AGBL3: variants seen among roughly 807,000 people sequenced by gnomAD.
AGBL3 encodes the protein cytosolic carboxypeptidase 3.
AGBL3 carries 68 observed loss-of-function variants against 94.5 expected under a neutral mutation model. That is an observed-to-expected ratio of 0.72 (90% confidence interval 0.59 to 0.88). The LOEUF (loss-of-function observed/expected upper bound fraction) is 0.88. Among genes scored for constraint, AGBL3 ranks in the 40% least tolerant of loss-of-function variants. The probability of loss-of-function intolerance (pLI) is 0.00; values close to 1 mark genes in which losing one functional copy is unlikely to be tolerated. For missense variants in AGBL3, 934 were observed against 1,103.8 expected, an observed-to-expected ratio of 0.85 and a Z score of 2.18; for synonymous variants, 354 against 370.7, an observed-to-expected ratio of 0.95 and a Z score of 0.52.
chr7:135,020,431 A>G (rs1303132741), intron 5 of AGBL3, among the ~76,000 whole-genome samples: 1 of 152,240 alleles, frequency 6.6e-6, no homozygotes, highest in Non-Finnish European at 1.5e-5. Context: ...GAGGATGTGG[A>G]GAAATAGGAA....
At chr7:135,088,196 A>G (rs80266779) in intron 15 of AGBL3, among the ~76,000 whole-genome samples, 5,596 of 152,110 alleles carry the variant, frequency 0.037, 333 homozygotes, top group African/African-American at 0.13. Context: ...GTTCAGCCTA[A>G]ATGTGTCTTT....
chr7:135,081,836 T>G (rs754553963), intron 15 of AGBL3, 46 bp downstream of exon 15: 3 of 1,229,154 alleles, frequency 2.4e-6, no homozygotes, highest in East Asian at 2.6e-5. Flanking sequence ...TCCCCTATGA[T>G]CTGAATGTTA....
chr7:135,130,484 C>A (rs1828579783), intron 16 of AGBL3, among the ~76,000 whole-genome samples: 2 of 151,980 alleles, frequency 1.3e-5, no homozygotes, highest in African/African-American at 4.8e-5. Flanking sequence ...TACTTTTGTT[C>A]CACATTCTCT....
At chr7:135,022,366 G>A (rs1352460871) in intron 5 of AGBL3, among the ~76,000 whole-genome samples, 1 of 152,182 alleles carries the variant, frequency 6.6e-6, no homozygotes, top group Non-Finnish European at 1.5e-5. Context: ...ATTCTGACTG[G>A]TGTGAGATGG....
chr7:135,007,050 C>G (rs1440247135), intron 4 of AGBL3, among the ~76,000 whole-genome samples: 2 of 151,960 alleles, frequency 1.3e-5, no homozygotes, highest in African/African-American at 4.8e-5. Flanking sequence ...AAAACTACTA[C>G]AGAGAGTCGC....
At chr7:135,008,449 G>C (rs184494530) in intron 4 of AGBL3, among the ~76,000 whole-genome samples, 61 of 152,098 alleles carry the variant, frequency 4.0e-4, no homozygotes, top group Middle Eastern at 3.4e-3. Flanking sequence ...AAATAAAGAA[G>C]TTTGTCCCTT....
chr7:135,057,932 C>T (rs542191033), intron 11 of AGBL3, among the ~76,000 whole-genome samples: 28 of 152,056 alleles, frequency 1.8e-4, no homozygotes, highest in African/African-American at 4.3e-4. Context: ...TCTGGGAAAA[C>T]GAAGGATGAA....
intron 15 of AGBL3, among the ~76,000 whole-genome samples, chr7:135,082,502 CA>C (rs1257671435): frequency 6.6e-6 from 1 of 152,102 alleles, no homozygotes; most frequent in Non-Finnish European, 1.5e-5. Context: ...CTAATGAGTG[CA>C]AAATATATCT....
At chr7:135,009,209 A>G (rs1464411687) in intron 4 of AGBL3, among the ~76,000 whole-genome samples, 1 of 152,234 alleles carries the variant, frequency 6.6e-6, no homozygotes, top group Admixed American at 6.5e-5. Flanking sequence ...TTAGTGCCAC[A>G]TGGTGGAAAC....
At chr7:135,033,696 A>G (rs1353298187) in intron 6 of AGBL3, among the ~76,000 whole-genome samples, 2 of 152,176 alleles carry the variant, frequency 1.3e-5, no homozygotes, top group African/African-American at 4.8e-5. Flanking sequence ...TATGTAATCT[A>G]TGTGATCATA....
At chr7:135,037,189 G>T (rs1157470917) in intron 7 of AGBL3, among the ~76,000 whole-genome samples, 1 of 152,142 alleles carries the variant, frequency 6.6e-6, no homozygotes, top group Non-Finnish European at 1.5e-5. Context: ...CAAAGCATTA[G>T]GATTACAGGC....
intron 12 of AGBL3, among the ~76,000 whole-genome samples, chr7:135,069,197 C>G (rs1308544736): frequency 1.3e-5 from 2 of 152,156 alleles, no homozygotes; most frequent in African/African-American, 2.4e-5. Context: ...TATATATGCA[C>G]CCAATACAGG....
chr7:135,007,312 C>T (rs2133441529), intron 4 of AGBL3, among the ~76,000 whole-genome samples: 1 of 151,876 alleles, frequency 6.6e-6, no homozygotes, highest in African/African-American at 2.4e-5. Context: ...AAACTAAATC[C>T]AGCAACAAAT....
chr7:135,049,695 T>C (rs1817698929), intron 11 of AGBL3, among the ~76,000 whole-genome samples: 1 of 151,940 alleles, frequency 6.6e-6, no homozygotes, highest in South Asian at 2.1e-4. Context: ...ATTTAGATTG[T>C]TGTTATACCA....
At chr7:135,067,968 C>A (rs1206064907) in intron 12 of AGBL3, among the ~76,000 whole-genome samples, 4 of 152,096 alleles carry the variant, frequency 2.6e-5, no homozygotes, top group Non-Finnish European at 5.9e-5. Context: ...GAACCCATGG[C>A]AAAGAAGTTA....
At chr7:135,069,630 G>A (rs1584997916) in intron 12 of AGBL3, among the ~76,000 whole-genome samples, 1 of 152,096 alleles carries the variant, frequency 6.6e-6, no homozygotes, top group South Asian at 2.1e-4. Context: ...TGACTACTGG[G>A]TACATAAGAA....
At chr7:135,119,580 C>T (rs992943273) in intron 16 of AGBL3, among the ~76,000 whole-genome samples, 10 of 151,004 alleles carry the variant, frequency 6.6e-5, no homozygotes, top group African/African-American at 2.2e-4. Context: ...AAAAAACTAT[C>T]GAAAGGAGTC....
chr7:135,098,703 A>G (rs1280160563), intron 15 of AGBL3, among the ~76,000 whole-genome samples: 1 of 152,198 alleles, frequency 6.6e-6, no homozygotes, highest in Non-Finnish European at 1.5e-5. Flanking sequence ...CACTACATCA[A>G]AGAAAGATAT....
intron 15 of AGBL3, among the ~76,000 whole-genome samples, chr7:135,112,798 G>A (rs922302735): frequency 5.9e-5 from 9 of 152,058 alleles, no homozygotes; most frequent in Non-Finnish European, 1.0e-4. Context: ...TTTTGAGATG[G>A]AGTATTGATT....
Sources: allele counts gnomAD v4.1 joint callset (sites outside exome capture counted in the v4.1 genomes callset), GRCh38; gene constraint gnomAD v4.1.1; transcripts MANE v1.5; gene names NCBI Gene and HGNC (gene_info 2026-07-23, HGNC 2026-07-21).